The following MTRF1 variants were observed in gnomAD, a reference collection of about 807,000 sequenced individuals.
MTRF1 encodes mitochondrial translation release factor 1.
A neutral mutation model predicts 62.9 loss-of-function variants in MTRF1; 51 were observed. That is an observed-to-expected ratio of 0.81 (90% CI 0.65 to 1.02). The LOEUF (loss-of-function observed/expected upper bound fraction) is 1.02. MTRF1 is among the 50% of genes least tolerant of loss of function. MTRF1 has a pLI of 0.00. For missense variants in MTRF1, 446 were observed against 530.0 expected, an observed-to-expected ratio of 0.84 and a Z score of 1.56; for synonymous variants, 158 against 181.9, an observed-to-expected ratio of 0.87 and a Z score of 1.06.
At chr13:41,282,949 T>C in the MTRF1 span, among the ~76,000 whole-genome samples, 1 of 152,240 alleles carries the variant, frequency 6.6e-6, no homozygotes, top group Non-Finnish European at 1.5e-5. Flanking sequence ...TAAGGACTTT[T>C]TTACCACTGT....
the MTRF1 span, among the ~76,000 whole-genome samples, chr13:41,290,178 C>A: frequency 1.4e-5 from 2 of 142,630 alleles, no homozygotes; most frequent in Admixed American, 7.5e-5. Context: ...CTCACTGCAA[C>A]CTCCGCCTCC....
chr13:41,246,493 A>C (rs1450064231), intron 5 of MTRF1, among the ~76,000 whole-genome samples: 1 of 152,206 alleles, frequency 6.6e-6, no homozygotes, highest in Non-Finnish European at 1.5e-5. Flanking sequence ...AAAATGCCTT[A>C]GGAAGGTGTC....
chr13:41,223,762 G>A (rs1362466349), intron 8 of MTRF1, among the ~76,000 whole-genome samples: 9 of 152,104 alleles, frequency 5.9e-5, no homozygotes, highest in Non-Finnish European at 1.2e-4. Context: ...TGCACACGGC[G>A]GGAGAGACCA....
At chr13:41,302,102 T>C in the MTRF1 span, among the ~76,000 whole-genome samples, 267 of 151,766 alleles carry the variant, frequency 1.8e-3, no homozygotes, top group Non-Finnish European at 3.2e-3. Context: ...TCTTGGCTCA[T>C]TGCAATCTCC....
At position 41,223,362 on chromosome 13, in the gene MTRF1, A is replaced by G; in HGVS notation, c.1126-8T>C. ...CTGGGCTCTTGTTCCCACCTGTGCC[A>G]TAACAAAAAGCAATTTATATTTTAC... On this transcript the variant is annotated splice_polypyrimidine_tract_variant and splice_region_variant and intron_variant, in intron 8 of 9. Coordinates refer to ENST00000379480, the MANE Select transcript of MTRF1 (RefSeq NM_004294.4). 1.9e-6 allele frequency: 3 copies of G among 1,611,010 alleles called. No homozygotes were observed. The highest frequency in any genetic ancestry group is 2.2e-5 in the East Asian group (1 of 44,824).
the MTRF1 span, among the ~76,000 whole-genome samples, chr13:41,273,129 A>T: frequency 6.6e-6 from 1 of 151,986 alleles, no homozygotes; most frequent in Non-Finnish European, 1.5e-5. Flanking sequence ...GATCGAGACC[A>T]TCCTAGCTAA....
the MTRF1 span, among the ~76,000 whole-genome samples, chr13:41,302,453 G>A: frequency 6.6e-6 from 1 of 152,018 alleles, no homozygotes; most frequent in African/African-American, 2.4e-5. Flanking sequence ...AGCACTCAGC[G>A]TGGCTATATT....
the MTRF1 span, among the ~76,000 whole-genome samples, chr13:41,308,707 A>G: frequency 2.0e-5 from 3 of 152,108 alleles, no homozygotes; most frequent in East Asian, 1.9e-4. Context: ...TTGAACCCCC[A>G]CTTTTATTTT....
At chr13:41,226,386 C>CT (rs1566069458) in intron 8 of MTRF1, 46 bp downstream of exon 8, 1 of 1,573,176 alleles carries the variant, frequency 6.4e-7, no homozygotes, top group East Asian at 2.2e-5. Context: ...CAGAAAATGA[C>CT]TTTTCTTTAA....
chr13:41,283,730 C>G, the MTRF1 span, among the ~76,000 whole-genome samples: 1 of 150,066 alleles, frequency 6.7e-6, no homozygotes, highest in Non-Finnish European at 1.5e-5. Flanking sequence ...GCTGGGACCA[C>G]AGGCGCCCGC....
the MTRF1 span, among the ~76,000 whole-genome samples, chr13:41,297,145 G>C: frequency 1.3e-5 from 2 of 152,086 alleles, no homozygotes; most frequent in Non-Finnish European, 2.9e-5. Context: ...AGAATTACAA[G>C]GGACTGAACT....
chr13:41,310,649 G>T, the MTRF1 span, among the ~76,000 whole-genome samples: 4 of 152,150 alleles, frequency 2.6e-5, no homozygotes, highest in Non-Finnish European at 5.9e-5. Flanking sequence ...CAGCCTGGGC[G>T]ACAAGAGCGA....
intron 2 of MTRF1, among the ~76,000 whole-genome samples, chr13:41,256,916 AACAG>A (rs1224479871): frequency 6.6e-6 from 1 of 152,224 alleles, no homozygotes; most frequent in African/African-American, 2.4e-5. Flanking sequence ...GACCTTGAAG[AACAG>A]ACAATGGGGT....
the MTRF1 span, among the ~76,000 whole-genome samples, chr13:41,298,574 T>C: frequency 6.6e-6 from 1 of 152,358 alleles, no homozygotes; most frequent in East Asian, 1.9e-4. Context: ...ATTTCTCCAA[T>C]TTGCCTTTGC....
chr13:41,226,485 G>A lies in MTRF1; in HGVS notation c.1072C>T (p.Gln358Ter). Reference sequence around the variant, plus strand: ...CGCTTGTCTTTCTCAATAATCTGCTGGTAGAGTCTAGCTCTCAACACACGA... The same window carrying A: ...CGCTTGTCTTTCTCAATAATCTGCTAGTAGAGTCTAGCTCTCAACACACGA... ...AFRVLRARLYQQIIEKDKRQQ... is the reference protein window; with the variant it reads ...AFRVLRARLY The change falls in exon 8 of 10, where the codon CAG becomes TAG. Residue 358 changes from glutamine (Q) to a stop codon, truncating the protein, a stop_gained. Transcript: ENST00000379480. LOFTEE classifies it high-confidence loss of function. The A allele has an allele frequency of 6.2e-7, 1 of 1,613,612 alleles. No homozygotes were observed. Among genetic ancestry groups the A allele is most frequent in the Non-Finnish European group, 8.5e-7 (1 of 1,179,872 alleles).
intron 6 of MTRF1, among the ~76,000 whole-genome samples, chr13:41,238,836 G>C (rs753018953): frequency 2.1e-4 from 32 of 152,156 alleles, no homozygotes; most frequent in Non-Finnish European, 4.1e-4. Context: ...CTGCACCTAT[G>C]AAGTATTCTC....
In MTRF1 at chr13:41,242,127, G is replaced by T. The variant is rs4942029; in HGVS notation, c.698-1694C>A. Reference sequence around the variant, plus strand: ...TTATCAGTTCTACCAAGATACCAACGTTTTTTTTTTGTAATATACTGAACT... The same window carrying T: ...TTATCAGTTCTACCAAGATACCAACTTTTTTTTTTTGTAATATACTGAACT... On this transcript the variant is annotated intron_variant, in intron 5 of 9. Coordinates refer to ENST00000379480, the MANE Select transcript of MTRF1 (RefSeq NM_004294.4). Among the ~76,000 whole-genome samples, 740 of 147,142 alleles carry T rather than the reference G, an allele frequency of 5.0e-3. 8 individuals are homozygous for T. Among genetic ancestry groups the T allele is most frequent in the African/African-American group, 0.016 (637 of 40,964 alleles).
At chr13:41,290,783 C>T in the MTRF1 span, among the ~76,000 whole-genome samples, 4 of 151,890 alleles carry the variant, frequency 2.6e-5, no homozygotes, top group African/African-American at 9.6e-5. Flanking sequence ...ATTACTTTTG[C>T]ACCAACCTAT....
chr13:41,280,580 C>A, the MTRF1 span, among the ~76,000 whole-genome samples: 3 of 152,080 alleles, frequency 2.0e-5, no homozygotes, highest in East Asian at 3.8e-4. Context: ...TTCATTGCCA[C>A]ACCTTTCTGG....
Sources: gnomAD v4.1 joint callset for allele counts (sites outside exome capture counted in the v4.1 genomes callset) on GRCh38, gnomAD v4.1.1 for gene constraint, MANE v1.5 for transcripts, NCBI Gene and HGNC (gene_info 2026-07-23, HGNC 2026-07-21) for gene names.